PRKN: variants seen among roughly 807,000 people sequenced by gnomAD.
PRKN encodes E3 ubiquitin-protein ligase parkin.
PRKN carries 56 observed loss-of-function variants against 59.5 expected under a neutral mutation model. That is an observed-to-expected ratio of 0.94 (90% CI 0.76 to 1.18). The LOEUF (loss-of-function observed/expected upper bound fraction) is 1.18. PRKN is among the 50% of genes most tolerant of loss of function. PRKN has a pLI of 0.00. For missense variants in PRKN, 657 were observed against 596.4 expected (o/e 1.10, Z -1.06); for synonymous variants, 250 against 222.1 (o/e 1.13, Z -1.12).
chr6:161,590,986 T>C (rs567059373), intron 7 of PRKN, among the ~76,000 whole-genome samples: 1 of 152,256 alleles, frequency 6.6e-6, no homozygotes, highest in South Asian at 2.1e-4. Context: ...TTAAATAAGG[T>C]TTGTGTAAAG....
intron 6 of PRKN, among the ~76,000 whole-genome samples, chr6:161,968,897 G>A (rs1340285875): frequency 6.6e-6 from 1 of 152,160 alleles, no homozygotes; most frequent in East Asian, 1.9e-4. Flanking sequence ...GCTGAAACCA[G>A]ATCTGTTTTG....
intron 4 of PRKN, among the ~76,000 whole-genome samples, 193 bp from the exon 5 acceptor site, chr6:162,054,367 T>C (rs941005559): frequency 1.3e-5 from 2 of 152,202 alleles, no homozygotes; most frequent in African/African-American, 2.4e-5. Context: ...ACTATGTTCA[T>C]CAACATACAA....
rs115816107 is a variant in PRKN at position 161,944,414 on chromosome 6, T to C, written c.734+28888A>G. Among the ~76,000 whole-genome samples, 1,073 of 152,262 alleles carry C rather than the reference T, an allele frequency of 7.0e-3. 15 individuals carry two copies. Among genetic ancestry groups the C allele is most frequent in the African/African-American group, 0.025 (1,020 of 41,538 alleles). On this transcript the variant is annotated intron_variant, in intron 6 of 11. Coordinates refer to ENST00000366898, the MANE Select transcript of PRKN (RefSeq NM_004562.3). ...CGGCACAGACCCCATGCTGAATACA[T>C]AGAAGCTGCTTATTGCCTTGTTGCC...
intron 1 of PRKN, among the ~76,000 whole-genome samples, chr6:162,535,824 C>G (rs890067599): frequency 6.6e-6 from 1 of 151,418 alleles, no homozygotes; most frequent in Non-Finnish European, 1.5e-5. Flanking sequence ...AGGAGGATTG[C>G]TTGAGCCTGG....
At chr6:161,403,401 A>T (rs1787131419) in intron 9 of PRKN, among the ~76,000 whole-genome samples, 1 of 152,214 alleles carries the variant, frequency 6.6e-6, no homozygotes, top group Non-Finnish European at 1.5e-5. Context: ...TGTGATGAGA[A>T]CCAAATTTTC....
chr6:162,463,180 T>G (rs1442715567), intron 1 of PRKN, among the ~76,000 whole-genome samples: 1 of 152,166 alleles, frequency 6.6e-6, no homozygotes, highest in African/African-American at 2.4e-5. Flanking sequence ...ATCATTTAAC[T>G]CTCCTTGTAG....
At chr6:162,614,840 C>T (rs1782338689) in intron 1 of PRKN, among the ~76,000 whole-genome samples, 1 of 152,130 alleles carries the variant, frequency 6.6e-6, no homozygotes, top group Admixed American at 6.6e-5. Context: ...GTTGGTTTTG[C>T]TACTGTTTAT....
In PRKN at chr6:161,409,288, C is replaced by T. The variant is rs1787417618; in HGVS notation, c.1084-22411G>A. Among the ~76,000 whole-genome samples, 1 of 152,142 alleles carries T rather than the reference C, an allele frequency of 6.6e-6. No individual in the cohort carries two copies. Among genetic ancestry groups the T allele is most frequent in the African/African-American group, 2.4e-5 (1 of 41,408 alleles). On this transcript the variant is annotated intron_variant, in intron 9 of 11. Coordinates refer to ENST00000366898, the MANE Select transcript of PRKN (RefSeq NM_004562.3). This position sits in a 1 kb window ranked among gnomAD's most constrained non-coding sequence, Gnocchi z 4.6. ...CTCTGTGGTAATGGTTGAGAATACT[C>T]TTCATTACTACAAGCATTTTGGACA... is the stretch of plus-strand genomic sequence containing the variant.
rs574935662 is a variant in PRKN at position 161,744,680 on chromosome 6, A to G, written c.871+41092T>C. Among the ~76,000 whole-genome samples, 336 of 152,304 alleles carry G rather than the reference A, an allele frequency of 2.2e-3. 1 individual carries two copies. The highest frequency in any genetic ancestry group is 0.014 in the Middle Eastern group (4 of 294). On this transcript the variant is annotated intron_variant, in intron 7 of 11. Transcript: ENST00000366898. ...GCATTGACTCGTGGTCTATTCCTTC[A>G]CTGTACTGACGCTCCTAGCTTCGAG...
At chr6:161,599,535 C>T (rs1268861974) in intron 7 of PRKN, among the ~76,000 whole-genome samples, 3 of 152,132 alleles carry the variant, frequency 2.0e-5, no homozygotes, top group Non-Finnish European at 4.4e-5. Context: ...AAAATGATTG[C>T]CTCATTGGAA....
intron 1 of PRKN, among the ~76,000 whole-genome samples, chr6:162,469,707 A>G (rs1338230155): frequency 6.6e-6 from 1 of 152,074 alleles, no homozygotes; most frequent in Non-Finnish European, 1.5e-5. Context: ...AGAATGACAC[A>G]GTGGACTCTG....
chr6:162,312,788 C>A (rs1406180254), intron 2 of PRKN, among the ~76,000 whole-genome samples: 1 of 152,108 alleles, frequency 6.6e-6, no homozygotes, highest in East Asian at 1.9e-4. Context: ...CAGCATTTTG[C>A]ATAAAATTTC....
chr6:162,272,025 C>A (rs933039546), intron 2 of PRKN, among the ~76,000 whole-genome samples: 1 of 152,162 alleles, frequency 6.6e-6, no homozygotes, highest in Non-Finnish European at 1.5e-5. Flanking sequence ...CAGGCCTGGG[C>A]CTTGTCACCT....
At chr6:161,733,791 T>TATATATATATATATATATATAC (rs1554298479) in intron 7 of PRKN, among the ~76,000 whole-genome samples, 15 of 66,924 alleles carry the variant, frequency 2.2e-4, no homozygotes, top group African/African-American at 9.3e-4. Flanking sequence ...AAAATATATA[T>TATATATATATATATATATATAC]ATATATGTAT....
chr6:161,677,063 A>G (rs1785113758), intron 7 of PRKN, among the ~76,000 whole-genome samples: 1 of 151,544 alleles, frequency 6.6e-6, no homozygotes, highest in African/African-American at 2.4e-5. Flanking sequence ...TCTATTTTAC[A>G]TCAATTCTTG....
intron 7 of PRKN, among the ~76,000 whole-genome samples, chr6:161,635,825 G>A (rs1003573065): frequency 5.9e-5 from 9 of 152,194 alleles, no homozygotes; most frequent in African/African-American, 1.7e-4. Context: ...AGTAACTAAC[G>A]CACTTCCCTA....
chr6:162,303,114 G>A (rs1046776816), intron 2 of PRKN, among the ~76,000 whole-genome samples: 3 of 147,690 alleles, frequency 2.0e-5, no homozygotes, highest in African/African-American at 8.0e-5. Context: ...AGTACTATTT[G>A]TTCTGCTATG....
chr6:162,514,806 C>T (rs1412329037), intron 1 of PRKN, among the ~76,000 whole-genome samples: 3 of 151,984 alleles, frequency 2.0e-5, no homozygotes, highest in Non-Finnish European at 4.4e-5. Flanking sequence ...ATGACTAAAA[C>T]CATCAAAAAT....
intron 2 of PRKN, among the ~76,000 whole-genome samples, chr6:162,438,312 A>G (rs1248462910): frequency 3.3e-5 from 5 of 152,202 alleles, no homozygotes; most frequent in African/African-American, 9.7e-5. Flanking sequence ...ACCCTCTAAC[A>G]TAATTTAGAA....
Sources: allele counts gnomAD v4.1 joint callset (sites outside exome capture counted in the v4.1 genomes callset), GRCh38; gene constraint gnomAD v4.1.1; non-coding constraint Gnocchi (gnomAD v3.1); transcripts MANE v1.5; gene names NCBI Gene and HGNC (gene_info 2026-07-23, HGNC 2026-07-21).